MADD: variants seen among roughly 807,000 people sequenced by gnomAD.
The protein encoded by MADD is MAP kinase-activating death domain protein.
A neutral mutation model predicts 176.7 loss-of-function variants in MADD; 109 were observed. That is an observed-to-expected ratio of 0.62 (90% CI 0.53 to 0.72). The LOEUF (loss-of-function observed/expected upper bound fraction) is 0.72. MADD is among the 30% of genes least tolerant of loss of function. The probability of loss-of-function intolerance (pLI) is 0.00; values close to 1 mark genes in which losing one functional copy is unlikely to be tolerated. For synonymous variants in MADD, 771 were observed against 771.3 expected, an observed-to-expected ratio of 1.00 and a Z score of 0.01; for missense variants, 1,914 against 2,045.5, an observed-to-expected ratio of 0.94 and a Z score of 1.24.
intron 7 of MADD, among the ~76,000 whole-genome samples, chr11:47,280,801 A>C (rs1258932103): frequency 6.6e-6 from 1 of 152,192 alleles, no homozygotes; most frequent in Non-Finnish European, 1.5e-5. Context: ...TCCTAACTTC[A>C]GGTGATCCAC....
chr11:47,295,749 C>A (rs900022649), intron 21 of MADD, 148 bp from the exon 24 acceptor site: 2 of 1,518,642 alleles, frequency 1.3e-6, no homozygotes, highest in African/African-American at 2.8e-5. Context: ...CCCAGAGCTT[C>A]TCATCTTATA....
At chr11:47,295,369 G>C (rs924163869) in intron 20 of MADD, 127 bp from the exon 23 acceptor site, 4 of 689,190 alleles carry the variant, frequency 5.8e-6, no homozygotes, top group Non-Finnish European at 7.6e-6. Flanking sequence ...AACAAAAGTT[G>C]CTCGTGACTT....
chr11:47,318,789 A>ATTTTTT lies in MADD; in HGVS notation c.4197+3493_4197+3498dup, dbSNP rs57548484. On this transcript the variant is annotated intron_variant, in intron 27 of 32. Coordinates refer to ENST00000402192, the Ensembl canonical transcript of MADD. The stretch of plus-strand genomic sequence containing the variant: ...TGATCAACTGGACAGCAGTTTGGGA[A>ATTTTTT]TTTTTTTTTTTTTTTTTTTTTTTTT... Among the ~76,000 whole-genome samples the ATTTTTT allele has an allele frequency of 4.9e-5, 4 of 82,458 alleles. 1 individual carries two copies. The highest frequency in any genetic ancestry group is 1.5e-4 in the African/African-American group (3 of 19,752). The allele number at this position is 82,458 out of a possible 152,430, so 54.1% of individuals were successfully genotyped here. A position where few individuals can be genotyped will look rare whatever the true frequency, so the allele number is the denominator to read the frequency against.
At position 47,295,547 on chromosome 11, in the gene MADD, A is replaced by ACG. The variant is rs1464658409; in HGVS notation, c.3454_3455insCG (p.Ser1152ThrfsTer12). ...CGTGAGTCCAGCTGTTATGATCCGC[A>ACG]GCTCAAGTCAGGATTCTGAAGTTAG... is the stretch of plus-strand genomic sequence containing the variant. On this transcript the variant is annotated frameshift_variant, in exon 21 of 33. Coordinates refer to ENST00000402192, the Ensembl canonical transcript of MADD. LOFTEE classifies it high-confidence loss of function. 6.2e-7 allele frequency: 1 copy of ACG among 1,613,970 alleles called. No individual in the cohort carries two copies. The highest frequency in any genetic ancestry group is 1.3e-5 in the African/African-American group (1 of 74,884).
chr11:47,300,210 T>C (rs1175479334), intron 22 of MADD, among the ~76,000 whole-genome samples: 29 of 149,934 alleles, frequency 1.9e-4, no homozygotes, highest in South Asian at 1.7e-3. Flanking sequence ...TTCTTTCTTT[T>C]TTTTTTTTTT....
At chr11:47,309,720 T>G in intron 25 of MADD, 108 bp downstream of exon 28, 1 of 756,956 alleles carries the variant, frequency 1.3e-6, no homozygotes, top group Non-Finnish European at 2.3e-6. Context: ...TATCTTAACT[T>G]AGGGCTATCT....
At chr11:47,279,100 A>G (rs778007292) in intron 7 of MADD, 21 bp downstream of exon 7, 60 of 1,608,326 alleles carry the variant, frequency 3.7e-5, no homozygotes, top group Middle Eastern at 3.3e-4. Flanking sequence ...AACGAAGGAA[A>G]GAAAGGGGAG....
At chr11:47,282,517 A>G (rs1218116389) in exon 9 of MADD, 1 of 1,613,724 alleles carries the variant, frequency 6.2e-7, no homozygotes, top group South Asian at 1.1e-5. Context: ...TCCCCGGCAG[A>G]CTCCTTTTGC....
Position 47,289,868 on chromosome 11 carries a change from G to A in MADD, c.2758G>A (p.Glu920Lys), listed in dbSNP as rs754090575. ...AGAAGCGGTGTGTGGACCCTGTAGT[G>A]AGAACCAGCAGTTCCTGAAGGAGGT... is the stretch of plus-strand genomic sequence containing the variant. The change falls in exon 17 of 33, where the codon GAG becomes AAG. Residue 920 changes from glutamate to lysine, a missense_variant and splice_region_variant. Around this residue, in one of 2 missense-constraint regions of MADD, gnomAD observed 1,767 missense variants for 1,836.0 expected, o/e 0.96. Coordinates refer to ENST00000402192, the Ensembl canonical transcript of MADD. 9.9e-6 allele frequency: 16 copies of A among 1,613,252 alleles called. No individual in the cohort carries two copies. The highest frequency in any genetic ancestry group is 2.7e-5 in the African/African-American group (2 of 74,922).
chr11:47,294,554 C>T (rs2068805455), intron 20 of MADD, among the ~76,000 whole-genome samples: 1 of 150,120 alleles, frequency 6.7e-6, no homozygotes, highest in East Asian at 2.0e-4. Context: ...CCTGTAATCC[C>T]AGCTACTTAG....
exon 4 of MADD, chr11:47,276,005 C>A (rs181204693): frequency 6.2e-7 from 1 of 1,614,050 alleles, no homozygotes; most frequent in South Asian, 1.1e-5. Context: ...TCGATTGCTG[C>A]GCTCCCCAGT....
chr11:47,292,775 C>T (rs141577362), intron 19 of MADD, among the ~76,000 whole-genome samples, 179 bp downstream of exon 21: 1 of 152,220 alleles, frequency 6.6e-6, no homozygotes, highest in African/African-American at 2.4e-5. Context: ...TTCTTTCCCC[C>T]TCCCCTCGTG....
rs2094958332 is a variant in MADD, at chr11:47,323,847, C to T, written c.4362+12C>T. 5 of 1,613,266 alleles carry T rather than the reference C, an allele frequency of 3.1e-6. No homozygotes were observed. The highest frequency in any genetic ancestry group is 1.7e-6 in the Non-Finnish European group (2 of 1,179,388). On this transcript the variant is annotated intron_variant, in intron 28 of 32. Coordinates refer to ENST00000402192, the Ensembl canonical transcript of MADD. ...TCTATACTAAAAAGGTACGCAGGAT[C>T]TGTGTTTGGGTTGGGGCTAGTAGGC...
chr11:47,285,087 T>C, exon 13 of MADD: 1 of 1,614,092 alleles, frequency 6.2e-7, no homozygotes, highest in Non-Finnish European at 8.5e-7. Flanking sequence ...GGCGAATCTA[T>C]GACAATCCAT....
At position 47,319,667 on chromosome 11, in the gene MADD, T is replaced by C. The variant is rs577874168; in HGVS notation, c.4198-4004T>C. On this transcript the variant is annotated intron_variant, in intron 27 of 32. Coordinates refer to ENST00000402192, the Ensembl canonical transcript of MADD. ...TAATTTATTTATATGGAATTTTGTT[T>C]TTGCACTTACGAAAGTGGTATCAAA... Among the ~76,000 whole-genome samples, 10 of 152,326 alleles carry C rather than the reference T, an allele frequency of 6.6e-5. No homozygotes were observed. The South Asian group carries it at 1.7e-3, about 25-fold the overall frequency.
exon 10 of MADD, chr11:47,282,914 G>C (rs2057993553): frequency 6.2e-7 from 1 of 1,613,878 alleles, no homozygotes; most frequent in Admixed American, 1.7e-5. Context: ...CCAGCTGGCT[G>C]AGGCCCTGAG....
chr11:47,277,917 C>T (rs1399639827), intron 5 of MADD, among the ~76,000 whole-genome samples: 1 of 152,210 alleles, frequency 6.6e-6, no homozygotes, highest in African/African-American at 2.4e-5. Flanking sequence ...TTTCAGACTA[C>T]AGTTTGCCTC....
intron 22 of MADD, among the ~76,000 whole-genome samples, chr11:47,306,441 T>C (rs2082695273): frequency 6.6e-6 from 1 of 152,172 alleles, no homozygotes; most frequent in Admixed American, 6.5e-5. Flanking sequence ...ATTGGCTCCT[T>C]CTCTGGAGGG....
At chr11:47,324,499 G>A in exon 30 of MADD, 2 of 1,614,116 alleles carry the variant, frequency 1.2e-6, no homozygotes, top group Non-Finnish European at 1.7e-6. Flanking sequence ...AGTTCCCTGT[G>A]CAGGACCTGA....
Sources: allele counts gnomAD v4.1 joint callset (sites outside exome capture counted in the v4.1 genomes callset), GRCh38; gene constraint gnomAD v4.1.1; regional missense constraint gnomAD v4.1.1; transcripts MANE v1.5; gene names NCBI Gene and HGNC (gene_info 2026-07-23, HGNC 2026-07-21).